The following CSMD1 variants were observed in gnomAD, a reference collection of about 807,000 sequenced individuals.
The protein encoded by CSMD1 is CUB and Sushi multiple domains 1.
A neutral mutation model predicts 417.5 loss-of-function variants in CSMD1; 213 were observed. That is an observed-to-expected ratio of 0.51 (90% CI 0.46 to 0.57). The LOEUF is 0.57. CSMD1 is among the 20% of genes least tolerant of loss of function. The pLI is 0.00. For missense variants in CSMD1, 6,923 were observed against 4,529.7 expected (o/e 1.53, Z -15.17); for synonymous variants, 2,862 against 1,736.8 (o/e 1.65, Z -16.11).
intron 17 of CSMD1, among the ~76,000 whole-genome samples, chr8:3,394,941 G>C (rs73173186): frequency 0.055 from 8,413 of 152,122 alleles, 278 homozygotes; most frequent in Non-Finnish European, 0.081. Context: ...TCTAAAAGTA[G>C]ACAAAATCTT....
chr8:4,445,773 G>T (rs1010862230), intron 2 of CSMD1, among the ~76,000 whole-genome samples: 1 of 152,164 alleles, frequency 6.6e-6, no homozygotes, highest in African/African-American at 2.4e-5. Context: ...TCTACACTAA[G>T]AAATCACAGA....
At chr8:3,926,309 T>C (rs1042088375) in intron 5 of CSMD1, among the ~76,000 whole-genome samples, 3 of 152,218 alleles carry the variant, frequency 2.0e-5, no homozygotes, top group Non-Finnish European at 4.4e-5. Context: ...TTTCTCCTTA[T>C]AACTTTTCAA....
chr8:4,381,219 T>C (rs1158338350), intron 3 of CSMD1, among the ~76,000 whole-genome samples: 1 of 152,174 alleles, frequency 6.6e-6, no homozygotes, highest in Non-Finnish European at 1.5e-5. Flanking sequence ...GGATTTAAAA[T>C]GCTGTCCCAG....
chr8:4,084,333 GA>G (rs56138357), intron 3 of CSMD1, among the ~76,000 whole-genome samples: 106,464 of 147,034 alleles, frequency 0.72, 38,700 homozygotes, highest in South Asian at 0.82. Flanking sequence ...TGTTAAAAAA[GA>G]AAAAAAAAAA....
intron 5 of CSMD1, among the ~76,000 whole-genome samples, chr8:3,971,023 T>A (rs1368553841): frequency 6.6e-6 from 1 of 152,170 alleles, no homozygotes; most frequent in African/African-American, 2.4e-5. Context: ...AGTACTGGGA[T>A]TTTAGGCATG....
intron 3 of CSMD1, among the ~76,000 whole-genome samples, chr8:4,259,984 G>A (rs540233144): frequency 2.6e-5 from 4 of 151,508 alleles, no homozygotes; most frequent in Admixed American, 2.0e-4. Flanking sequence ...ATTGATAACA[G>A]ACCTATAAAG....
At chr8:4,100,750 G>T (rs570623971) in intron 3 of CSMD1, among the ~76,000 whole-genome samples, 1 of 152,090 alleles carries the variant, frequency 6.6e-6, no homozygotes, top group Non-Finnish European at 1.5e-5. Context: ...AGCTGCAGGG[G>T]ACTACATAAA....
At chr8:3,210,972 GA>G (rs146851606) in intron 30 of CSMD1, among the ~76,000 whole-genome samples, 11 of 151,924 alleles carry the variant, frequency 7.2e-5, no homozygotes, top group Non-Finnish European at 7.4e-5. Flanking sequence ...TGAAGTGGGG[GA>G]AAAATACACC....
At chr8:4,555,422 C>A (rs559345483) in intron 2 of CSMD1, among the ~76,000 whole-genome samples, 1 of 152,026 alleles carries the variant, frequency 6.6e-6, no homozygotes, top group African/African-American at 2.4e-5. Context: ...GCATGGAGAC[C>A]AGATTTGGAC....
chr8:3,317,268 A>G (rs1318263476), intron 23 of CSMD1, among the ~76,000 whole-genome samples: 1 of 152,254 alleles, frequency 6.6e-6, no homozygotes, highest in African/African-American at 2.4e-5. Context: ...ATAATTAAAA[A>G]TAAACATGCT....
chr8:4,224,492 A>G (rs527378611), intron 3 of CSMD1, among the ~76,000 whole-genome samples: 1 of 152,156 alleles, frequency 6.6e-6, no homozygotes, highest in Non-Finnish European at 1.5e-5. Context: ...CTACACTCTC[A>G]GTTCAGTGTC....
intron 3 of CSMD1, among the ~76,000 whole-genome samples, chr8:4,142,411 T>A (rs1279493304): frequency 4.6e-5 from 7 of 151,064 alleles, no homozygotes; most frequent in Non-Finnish European, 1.0e-4. Context: ...TGGGTCAATA[T>A]TTCTGCCTGC....
At chr8:3,595,991 C>CTAT (rs1801074333) in intron 8 of CSMD1, among the ~76,000 whole-genome samples, 2 of 152,306 alleles carry the variant, frequency 1.3e-5, no homozygotes, top group African/African-American at 4.8e-5. Flanking sequence ...AGCCCCTTTG[C>CTAT]CTCCTTCCTG....
At chr8:3,541,976 A>T (rs903876635) in intron 10 of CSMD1, among the ~76,000 whole-genome samples, 5 of 152,044 alleles carry the variant, frequency 3.3e-5, no homozygotes, top group Admixed American at 1.3e-4. Flanking sequence ...AGATGGAGCC[A>T]CTGCTCTCCA....
In CSMD1 at chr8:3,928,978, G is replaced by A. The variant is rs531524330; in HGVS notation, c.818+68925C>T. On this transcript the variant is annotated intron_variant, in intron 5 of 69. Transcript: ENST00000635120. ...TGTGGTTTTGTGTGCTAAAACAATT[G>A]GTTGTCATTGTATAAGAAATCTTAC... Among the ~76,000 whole-genome samples, 15 of 150,538 alleles carry A rather than the reference G, an allele frequency of 1.0e-4. No homozygotes were observed. The East Asian group carries it at 2.5e-3, about 25-fold the overall frequency.
chr8:4,692,607 C>T (rs1425428789), intron 1 of CSMD1, among the ~76,000 whole-genome samples: 14 of 152,250 alleles, frequency 9.2e-5, no homozygotes, highest in Admixed American at 9.2e-4. Context: ...ATTCTGCAGG[C>T]AAAGCCATGT....
chr8:3,079,337 G>C (rs1813917944), intron 49 of CSMD1, among the ~76,000 whole-genome samples: 1 of 152,126 alleles, frequency 6.6e-6, no homozygotes, highest in African/African-American at 2.4e-5. Flanking sequence ...AGAGACACAA[G>C]CATACTCACA....
In CSMD1 at chr8:4,142,356, G is replaced by C. The variant is rs987213439; in HGVS notation, c.416-110257C>G. On this transcript the variant is annotated intron_variant, in intron 3 of 69. Coordinates refer to ENST00000635120, the MANE Select transcript of CSMD1 (RefSeq NM_033225.6). ...CTACTCTACGAGGTTATGATATTTGGCTGTAGGCAAATATTAGAGGCCTCA... is the reference window on the plus strand; with the variant it reads ...CTACTCTACGAGGTTATGATATTTGCCTGTAGGCAAATATTAGAGGCCTCA... Among the ~76,000 whole-genome samples, 8 of 150,876 alleles carry C rather than the reference G, an allele frequency of 5.3e-5. 1 individual carries two copies. The highest frequency in any genetic ancestry group is 2.0e-4 in the African/African-American group (8 of 40,290).
intron 10 of CSMD1, among the ~76,000 whole-genome samples, chr8:3,514,687 C>G (rs1425516726): frequency 6.6e-6 from 1 of 151,980 alleles, no homozygotes; most frequent in Non-Finnish European, 1.5e-5. Flanking sequence ...TTGTAGGTAT[C>G]TTTTGTTAAT....
Sources: allele counts gnomAD v4.1 joint callset (sites outside exome capture counted in the v4.1 genomes callset), GRCh38; gene constraint gnomAD v4.1.1; transcripts MANE v1.5; gene names NCBI Gene and HGNC (gene_info 2026-07-23, HGNC 2026-07-21).